WDSUB1: variants seen among roughly 807,000 people sequenced by gnomAD.
The protein encoded by WDSUB1 is WD repeat, SAM and U-box domain-containing protein 1.
In WDSUB1, 49 loss-of-function variants were observed where a neutral mutation model predicts 53.9. That is an observed-to-expected ratio of 0.91 (90% CI 0.72 to 1.15). WDSUB1 has a LOEUF of 1.15. Among genes scored for constraint, WDSUB1 ranks in the 50% most tolerant of loss-of-function variants. WDSUB1 has a pLI of 0.00. For synonymous variants in WDSUB1, 194 were observed against 200.6 expected, an observed-to-expected ratio of 0.97 and a Z score of 0.28; for missense variants, 514 against 562.0, an observed-to-expected ratio of 0.91 and a Z score of 0.86.
chr2:159,279,701 C>A, intron 3 of WDSUB1, 60 bp downstream of exon 3: 1 of 1,468,622 alleles, frequency 6.8e-7, no homozygotes, highest in South Asian at 1.4e-5. Flanking sequence ...AATGAAAAGT[C>A]ATATACAGCA....
chr2:159,267,100 A>G (rs2061361118), intron 5 of WDSUB1, among the ~76,000 whole-genome samples: 1 of 151,748 alleles, frequency 6.6e-6, no homozygotes, highest in African/African-American at 2.4e-5. Context: ...TATCTCTACA[A>G]TCTGTTTTTC....
chr2:159,269,757 G>T (rs2061411758), intron 5 of WDSUB1, among the ~76,000 whole-genome samples: 2 of 152,232 alleles, frequency 1.3e-5, no homozygotes, highest in Middle Eastern at 3.4e-3. Context: ...CAGAGTAACA[G>T]AGAAAAATTG....
At chr2:159,285,733 G>A (rs922847630) in intron 1 of WDSUB1, among the ~76,000 whole-genome samples, 6 of 152,060 alleles carry the variant, frequency 3.9e-5, no homozygotes, top group Non-Finnish European at 7.4e-5. Flanking sequence ...AAGGCATAAG[G>A]AGCATGCCTT....
At chr2:159,276,568 A>C (rs2061545811) in intron 3 of WDSUB1, among the ~76,000 whole-genome samples, 1 of 152,244 alleles carries the variant, frequency 6.6e-6, no homozygotes, top group Non-Finnish European at 1.5e-5. Flanking sequence ...CATTACACTT[A>C]CTTAATTTTA....
chr2:159,247,908 T>TAA lies in WDSUB1; in HGVS notation c.1273+462_1273+463dup, dbSNP rs879338305. On this transcript the variant is annotated intron_variant, in intron 10 of 10. Coordinates refer to ENST00000359774, the MANE Select transcript of WDSUB1 (RefSeq NM_001128212.3). ...ATAAATATATATATATATATATATA[T>TAA]AAATATATATATATATATAAATATA... 1.2e-3 allele frequency among the ~76,000 whole-genome samples: 56 copies of TAA among 48,102 alleles called. 2 individuals are homozygous for TAA. The highest frequency in any genetic ancestry group is 2.1e-3 in the African/African-American group (54 of 26,282). 31.6% of individuals were successfully genotyped at this position (48,102 alleles called of 152,430 possible). A position where few individuals can be genotyped will look rare whatever the true frequency, so the allele number is the denominator to read the frequency against.
intron 10 of WDSUB1, among the ~76,000 whole-genome samples, chr2:159,242,081 C>T (rs67707197): frequency 0.45 from 65,210 of 144,508 alleles, 17,462 homozygotes; most frequent in Non-Finnish European, 0.55. Context: ...GATGGAGTCT[C>T]GCTCTGTCGC....
chr2:159,265,104 A>G (rs960809974), intron 5 of WDSUB1, among the ~76,000 whole-genome samples: 3 of 148,370 alleles, frequency 2.0e-5, no homozygotes, highest in African/African-American at 7.6e-5. Context: ...AAAAAATAAA[A>G]CAACAACAAC....
At chr2:159,263,363 A>G (rs1032430936) in intron 5 of WDSUB1, among the ~76,000 whole-genome samples, 8 of 152,214 alleles carry the variant, frequency 5.3e-5, no homozygotes, top group Non-Finnish European at 1.2e-4. Context: ...AGATAGAGCA[A>G]AAACAAAAGT....
intron 1 of WDSUB1, among the ~76,000 whole-genome samples, chr2:159,286,048 T>G (rs2061789039): frequency 6.6e-6 from 1 of 152,016 alleles, no homozygotes; most frequent in African/African-American, 2.4e-5. Context: ...ACAGTTTGTT[T>G]TGAAAAAGCT....
intron 5 of WDSUB1, among the ~76,000 whole-genome samples, chr2:159,266,756 T>C (rs776546586): frequency 3.3e-5 from 5 of 152,176 alleles, no homozygotes; most frequent in Non-Finnish European, 5.9e-5. Context: ...AACACCATCC[T>C]AGGTTCTCAG....
intron 5 of WDSUB1, among the ~76,000 whole-genome samples, chr2:159,261,875 T>C (rs1159246567): frequency 6.4e-5 from 1 of 15,522 alleles, no homozygotes; most frequent in East Asian, 1.8e-3. Flanking sequence ...TATATATATA[T>C]ATATATATAT....
chr2:159,280,025 C>G (rs1172714763), intron 2 of WDSUB1, 80 bp from the exon 3 acceptor site: 1 of 1,301,734 alleles, frequency 7.7e-7, no homozygotes, highest in South Asian at 1.7e-5. Context: ...CAGCTTGATA[C>G]AGTGAAAAGA....
intron 5 of WDSUB1, among the ~76,000 whole-genome samples, chr2:159,264,975 T>C (rs2061307054): frequency 6.6e-6 from 1 of 151,472 alleles, no homozygotes; most frequent in African/African-American, 2.4e-5. Flanking sequence ...TCCCAGCTAC[T>C]TGGGAGGCTG....
chr2:159,281,554 A>G (rs2061663640), intron 2 of WDSUB1, among the ~76,000 whole-genome samples: 3 of 152,244 alleles, frequency 2.0e-5, no homozygotes, highest in Admixed American at 2.0e-4. Context: ...TTAAGAAATG[A>G]TAACACATCA....
chr2:159,279,866 A>G lies in WDSUB1; in HGVS notation c.478T>C (p.Cys160Arg). 1 of 1,612,780 alleles carries G rather than the reference A, an allele frequency of 6.2e-7. No homozygotes were observed. The part of the protein sequence containing the change: ...NGSFFVTGSS[C>R]GDLTVWDDKM... ...TCATCCCACACTGTTAAATCACCAC[A>G]TGAGGAGCCAGTGACAAAGAAGCTT... is the stretch of plus-strand genomic sequence containing the variant. The change falls in exon 3 of 11, where the codon TGT (cysteine) becomes CGT (arginine). Residue 160 changes from cysteine to arginine, a missense_variant. Coordinates refer to ENST00000359774, the MANE Select transcript of WDSUB1 (RefSeq NM_001128212.3).
In WDSUB1 at chr2:159,247,940, TATAA is replaced by T. The variant is rs1272956000; in HGVS notation, c.1273+428_1273+431del. Reference sequence around the variant, plus strand: ...ATATATATATATAAATATATATATATATAAAATTTGGATTCACTGATTACAACTA... The same window carrying T: ...ATATATATATATAAATATATATATATAATTTGGATTCACTGATTACAACTA... On this transcript the variant is annotated intron_variant, in intron 10 of 10. Coordinates refer to ENST00000359774, the MANE Select transcript of WDSUB1 (RefSeq NM_001128212.3). Among the ~76,000 whole-genome samples, 85 of 85,992 alleles carry T rather than the reference TATAA, an allele frequency of 9.9e-4. 1 individual carries two copies. The highest frequency in any genetic ancestry group is 8.7e-3 in the African/African-American group (76 of 8,714). 56.4% of individuals were successfully genotyped at this position (85,992 alleles called of 152,430 possible). A position where few individuals can be genotyped will look rare whatever the true frequency, so the allele number is the denominator to read the frequency against.
At chr2:159,279,422 T>G (rs1182058556) in intron 3 of WDSUB1, among the ~76,000 whole-genome samples, 1 of 152,254 alleles carries the variant, frequency 6.6e-6, no homozygotes. Context: ...TTCTTTTAAT[T>G]GCAATTGTAT....
intron 10 of WDSUB1, among the ~76,000 whole-genome samples, chr2:159,247,866 C>G (rs1252909456): frequency 2.9e-5 from 3 of 102,738 alleles, no homozygotes; most frequent in African/African-American, 9.9e-5. Flanking sequence ...TATAAGGAAG[C>G]TGTAGGCCAA....
chr2:159,254,785 C>A (rs553232760), intron 9 of WDSUB1, among the ~76,000 whole-genome samples: 1 of 152,214 alleles, frequency 6.6e-6, no homozygotes, highest in South Asian at 2.1e-4. Flanking sequence ...AACAAAGCCC[C>A]TACTCTATTA....
Sources: allele counts gnomAD v4.1 joint callset (sites outside exome capture counted in the v4.1 genomes callset), GRCh38; gene constraint gnomAD v4.1.1; transcripts MANE v1.5; gene names NCBI Gene and HGNC (gene_info 2026-07-23, HGNC 2026-07-21).